The following TRIM33 variants were observed in gnomAD, a reference collection of about 807,000 sequenced individuals.
TRIM33 encodes the protein tripartite motif containing 33, also known as E3 ubiquitin-protein ligase TRIM33.
In TRIM33, 20 loss-of-function variants were observed where a neutral mutation model predicts 125.4. The ratio of observed to expected loss-of-function variants is 0.16; its 90% CI spans 0.11 to 0.23. TRIM33 has a LOEUF of 0.23. Among genes scored for constraint, TRIM33 ranks in the 10% least tolerant of loss-of-function variants. TRIM33 has a pLI of 1.00. For missense variants in TRIM33, 920 were observed against 1,411.4 expected, an observed-to-expected ratio of 0.65 and a Z score of 5.58; for synonymous variants, 564 against 513.9, an observed-to-expected ratio of 1.10 and a Z score of -1.32.
chr1:114,429,949 T>C lies in TRIM33; in HGVS notation c.1155+849A>G, dbSNP rs150783717. 2.9e-3 allele frequency among the ~76,000 whole-genome samples: 447 copies of C among 152,244 alleles called. 3 individuals carry two copies. Among genetic ancestry groups the C allele is most frequent in the African/African-American group, 0.01 (422 of 41,552 alleles). ...TAGATTTCATGAACTGACTAGATTT[T>C]CATCTAGAAACTTACACCTACAAAT... is the stretch of plus-strand genomic sequence containing the variant. On this transcript the variant is annotated intron_variant, in intron 6 of 19. Coordinates refer to ENST00000358465, the MANE Select transcript of TRIM33 (RefSeq NM_015906.4).
At chr1:114,403,381 C>CT (rs1025706624) in intron 15 of TRIM33, among the ~76,000 whole-genome samples, 4 of 151,960 alleles carry the variant, frequency 2.6e-5, no homozygotes, top group Non-Finnish European at 4.4e-5. Context: ...TATATACCTC[C>CT]TTTTTTTTGG....
At chr1:114,492,147 T>C (rs1361752839) in intron 1 of TRIM33, among the ~76,000 whole-genome samples, 1 of 152,212 alleles carries the variant, frequency 6.6e-6, no homozygotes, top group African/African-American at 2.4e-5. Flanking sequence ...TGCCCATGTG[T>C]AGGGATGACT....
intron 11 of TRIM33, among the ~76,000 whole-genome samples, chr1:114,413,848 C>T (rs1652755170): frequency 6.6e-6 from 1 of 151,808 alleles, no homozygotes; most frequent in Non-Finnish European, 1.5e-5. Context: ...AGTAGCAAGA[C>T]CCCATCTCTA....
chr1:114,433,124 GTGA>G (rs1171798441), intron 5 of TRIM33, among the ~76,000 whole-genome samples: 1 of 152,126 alleles, frequency 6.6e-6, no homozygotes, highest in Non-Finnish European at 1.5e-5. Context: ...ATAATAAATG[GTGA>G]TGATAATTAT....
intron 1 of TRIM33, among the ~76,000 whole-genome samples, chr1:114,483,412 T>A (rs1432452444): frequency 6.6e-6 from 1 of 150,794 alleles, no homozygotes; most frequent in African/African-American, 2.5e-5. Flanking sequence ...CCAGACCCAG[T>A]TGGGTTTTTT....
intron 4 of TRIM33, among the ~76,000 whole-genome samples, chr1:114,451,983 G>C (rs535224733): frequency 2.2e-4 from 34 of 152,058 alleles, no homozygotes; most frequent in Non-Finnish European, 4.6e-4. Flanking sequence ...GATTAACTGA[G>C]GTTTCACATA....
intron 1 of TRIM33, among the ~76,000 whole-genome samples, chr1:114,497,301 T>G (rs1348267243): frequency 6.6e-6 from 1 of 152,116 alleles, no homozygotes; most frequent in Non-Finnish European, 1.5e-5. Flanking sequence ...CACTTAAAAT[T>G]TTTTTTTCTT....
chr1:114,463,661 A>G lies in TRIM33; in HGVS notation c.646-105T>C, dbSNP rs371404015. ...TATACTATTTCACTGTACACAGAAT[A>G]AAATTATTTTGTTATCCATTTATCT... On this transcript the variant is annotated intron_variant, in intron 2 of 19. Transcript: ENST00000358465. 5.2e-5 allele frequency: 36 copies of G among 697,466 alleles called. No homozygotes were observed. In the African/African-American group the frequency reaches 5.7e-4, roughly 11 times the overall value. 43.2% of individuals were successfully genotyped at this position (697,466 alleles called of 1,614,324 possible). A position where few individuals can be genotyped will look rare whatever the true frequency, so the allele number is the denominator to read the frequency against.
chr1:114,420,648 T>C lies in TRIM33; in HGVS notation c.2061+788A>G, dbSNP rs9662831. ...ACTCAAATATTTATACTTAACTCTT[T>C]TTTGTTTAACTGGCAAATAACAATT... On this transcript the variant is annotated intron_variant, in intron 11 of 19. Transcript: ENST00000358465. 6.8e-3 allele frequency among the ~76,000 whole-genome samples: 1,041 copies of C among 152,360 alleles called. 5 individuals are homozygous for C. The highest frequency in any genetic ancestry group is 0.012 in the Non-Finnish European group (817 of 68,040).
At chr1:114,410,592 G>C (rs564065798) in intron 11 of TRIM33, among the ~76,000 whole-genome samples, 1 of 152,244 alleles carries the variant, frequency 6.6e-6, no homozygotes, top group South Asian at 2.1e-4. Flanking sequence ...TGACACTTCT[G>C]CTGTTTCTCA....
At chr1:114,445,208 C>T (rs909350350) in intron 4 of TRIM33, among the ~76,000 whole-genome samples, 5 of 152,198 alleles carry the variant, frequency 3.3e-5, no homozygotes, top group Admixed American at 6.5e-5. Context: ...GTCTAACATA[C>T]GTGTAACTGA....
intron 4 of TRIM33, among the ~76,000 whole-genome samples, chr1:114,458,837 T>C (rs935235439): frequency 3.3e-5 from 5 of 152,272 alleles, no homozygotes; most frequent in Admixed American, 3.3e-4. Context: ...GGGGCTCAAC[T>C]ATACGTTAGC....
chr1:114,469,040 G>T, intron 1 of TRIM33: 1 of 246,336 alleles, frequency 4.1e-6, no homozygotes. Context: ...GGTACAAGTG[G>T]TTCTATAGAT....
At chr1:114,457,823 C>A (rs994424312) in intron 4 of TRIM33, among the ~76,000 whole-genome samples, 2 of 152,168 alleles carry the variant, frequency 1.3e-5, no homozygotes, top group African/African-American at 4.8e-5. Context: ...ATCAACTCAG[C>A]GGGCATGTGA....
rs1397507503 is a variant in TRIM33 at position 114,394,496 on chromosome 1, T to C, written c.*3152A>G. 4.7e-6 allele frequency: 1 copy of C among 213,664 alleles called. No homozygotes were observed. Among genetic ancestry groups the C allele is most frequent in the African/African-American group, 2.3e-5 (1 of 44,300 alleles). 13.2% of individuals were successfully genotyped at this position (213,664 alleles called of 1,614,324 possible). ...ACAATTTGCACACTTATAAACCTTTTACTTCTATTTAAAAGCATTATTTAT... is the reference window on the plus strand; with the variant it reads ...ACAATTTGCACACTTATAAACCTTTCACTTCTATTTAAAAGCATTATTTAT... On this transcript the variant is annotated 3_prime_UTR_variant, in exon 20 of 20. Transcript: ENST00000358465.
chr1:114,483,796 CAT>C (rs976723900), intron 1 of TRIM33, among the ~76,000 whole-genome samples: 58 of 152,152 alleles, frequency 3.8e-4, no homozygotes, highest in African/African-American at 1.4e-3. Flanking sequence ...GAAGAAAAAA[CAT>C]ATTTCAAGAG....
At chr1:114,413,687 G>C (rs1413418880) in intron 11 of TRIM33, among the ~76,000 whole-genome samples, 1 of 146,082 alleles carries the variant, frequency 6.8e-6, no homozygotes, top group African/African-American at 2.5e-5. Flanking sequence ...ATAGCACTAG[G>C]TGTGTACATG....
At chr1:114,414,026 G>GTCACAC in intron 11 of TRIM33, among the ~76,000 whole-genome samples, 1 of 48,964 alleles carries the variant, frequency 2.0e-5, no homozygotes, top group South Asian at 6.5e-4. Context: ...ATAAATCACA[G>GTCACAC]GCACACACAC....
At chr1:114,467,551 G>C (rs1347997164) in intron 1 of TRIM33, among the ~76,000 whole-genome samples, 1 of 152,020 alleles carries the variant, frequency 6.6e-6, no homozygotes. Flanking sequence ...TCAAGCAGAA[G>C]AAACAGAGCT....
Sources: allele counts gnomAD v4.1 joint callset (sites outside exome capture counted in the v4.1 genomes callset), GRCh38; gene constraint gnomAD v4.1.1; transcripts MANE v1.5; gene names NCBI Gene and HGNC (gene_info 2026-07-23, HGNC 2026-07-21).